CNBD1: variants seen among roughly 807,000 people sequenced by gnomAD.
CNBD1 encodes cyclic nucleotide binding domain containing 1.
A neutral mutation model predicts 54.4 loss-of-function variants in CNBD1; 71 were observed. That is an observed-to-expected ratio of 1.30 (90% CI 1.08 to 1.59). The LOEUF is 1.59. CNBD1 is among the 40% of genes most tolerant of loss of function. The probability of loss-of-function intolerance (pLI) is 0.00; values close to 1 mark genes in which losing one functional copy is unlikely to be tolerated. For synonymous variants in CNBD1, 182 were observed against 170.7 expected (o/e 1.07, Z -0.51); for missense variants, 659 against 518.0 (o/e 1.27, Z -2.64).
At chr8:87,096,443 C>G (rs1811322855) in intron 4 of CNBD1, among the ~76,000 whole-genome samples, 1 of 151,510 alleles carries the variant, frequency 6.6e-6, no homozygotes, top group Admixed American at 6.6e-5. Context: ...CACCCTACTC[C>G]AAATACAGTC....
chr8:87,266,240 T>C (rs1808254463), intron 6 of CNBD1, among the ~76,000 whole-genome samples: 1 of 151,484 alleles, frequency 6.6e-6, no homozygotes, highest in Admixed American at 6.6e-5. Flanking sequence ...TTTTAAAAAC[T>C]ATACCAAAGA....
At chr8:87,102,714 C>T (rs966814090) in intron 4 of CNBD1, among the ~76,000 whole-genome samples, 3 of 152,012 alleles carry the variant, frequency 2.0e-5, no homozygotes, top group Admixed American at 6.6e-5. Flanking sequence ...CCCGGGTTCA[C>T]GCCGTTCTCT....
intron 6 of CNBD1, among the ~76,000 whole-genome samples, chr8:87,270,073 C>T (rs1808332045): frequency 6.6e-6 from 1 of 151,884 alleles, no homozygotes; most frequent in South Asian, 2.1e-4. Context: ...ATCAACTAGG[C>T]TTTTATTCCT....
At chr8:87,330,369 A>T (rs1395762778) in intron 8 of CNBD1, among the ~76,000 whole-genome samples, 1 of 149,016 alleles carries the variant, frequency 6.7e-6, no homozygotes, top group Non-Finnish European at 1.5e-5. Context: ...CATTTTTACT[A>T]GTTTTATTTT....
chr8:87,055,080 A>G (rs1294545598), intron 4 of CNBD1, among the ~76,000 whole-genome samples: 2 of 152,182 alleles, frequency 1.3e-5, no homozygotes, highest in South Asian at 2.1e-4. Flanking sequence ...ATAAAACAGT[A>G]TAGGGTCACT....
intron 4 of CNBD1, among the ~76,000 whole-genome samples, chr8:87,049,134 C>T (rs754206218): frequency 6.6e-6 from 1 of 152,082 alleles, no homozygotes; most frequent in Non-Finnish European, 1.5e-5. Flanking sequence ...TCAAATGTGT[C>T]AGATCTCCTG....
intron 8 of CNBD1, among the ~76,000 whole-genome samples, chr8:87,335,288 A>G (rs1809921355): frequency 6.6e-6 from 1 of 152,094 alleles, no homozygotes; most frequent in African/African-American, 2.4e-5. Context: ...TAATCTGTCT[A>G]ATATTGACAG....
At chr8:86,939,940 T>C in intron 4 of CNBD1, 186 bp downstream of exon 4, 1 of 406,228 alleles carries the variant, frequency 2.5e-6, no homozygotes, top group Non-Finnish European at 4.4e-6. Context: ...GAATTCAGTC[T>C]TCAATGGTGT....
chr8:87,174,701 T>C lies in CNBD1; in HGVS notation c.432-31292T>C, dbSNP rs1443977973. On this transcript the variant is annotated intron_variant, in intron 4 of 10. Transcript: ENST00000518476. The stretch of plus-strand genomic sequence containing the variant: ...TGTAGTCTTTGCAATCTGGGCTTCT[T>C]TTTTTAACTTGTCCTTATTTGGAAG... Among the ~76,000 whole-genome samples the C allele has an allele frequency of 3.3e-5, 5 of 152,282 alleles. No individual in the cohort carries two copies. The East Asian group carries it at 7.7e-4, about 24-fold the overall frequency.
At chr8:87,346,116 A>G (rs897561918) in intron 8 of CNBD1, among the ~76,000 whole-genome samples, 16 of 151,956 alleles carry the variant, frequency 1.1e-4, no homozygotes, top group Non-Finnish European at 2.4e-4. Flanking sequence ...ATCTTGGCTT[A>G]CCACAGCCTC....
intron 4 of CNBD1, among the ~76,000 whole-genome samples, chr8:87,088,641 C>T (rs16892245): frequency 0.033 from 5,028 of 152,056 alleles, 138 homozygotes; most frequent in East Asian, 0.13. Flanking sequence ...TAGGAAGAAT[C>T]TAAATTTTGA....
chr8:86,988,541 A>G (rs759748561), intron 4 of CNBD1, among the ~76,000 whole-genome samples: 38 of 152,064 alleles, frequency 2.5e-4, no homozygotes, highest in Non-Finnish European at 5.0e-4. Flanking sequence ...ATCCAATCCA[A>G]TTATACTGTT....
chr8:87,293,396 TAGCC>T (rs1374505672), intron 8 of CNBD1, among the ~76,000 whole-genome samples: 1 of 151,904 alleles, frequency 6.6e-6, no homozygotes, highest in Non-Finnish European at 1.5e-5. Flanking sequence ...GAACAAAAAT[TAGCC>T]AGGCACAGTG....
intron 8 of CNBD1, among the ~76,000 whole-genome samples, chr8:87,339,394 A>T (rs1034161966): frequency 2.6e-5 from 4 of 152,098 alleles, no homozygotes; most frequent in African/African-American, 9.7e-5. Flanking sequence ...TTCCCATGGA[A>T]ATTTCAGCTT....
intron 4 of CNBD1, among the ~76,000 whole-genome samples, chr8:87,122,797 A>T (rs1263459487): frequency 2.0e-5 from 3 of 151,888 alleles, no homozygotes; most frequent in African/African-American, 7.2e-5. Context: ...CTTTCCCAAG[A>T]GCATAATCTG....
At chr8:86,937,711 C>G (rs2130421171) in intron 3 of CNBD1, among the ~76,000 whole-genome samples, 1 of 145,420 alleles carries the variant, frequency 6.9e-6, no homozygotes, top group Non-Finnish European at 1.5e-5. Context: ...AGCAGCAAGG[C>G]TCTGGGCGAG....
chr8:87,214,792 C>A (rs1170338026), intron 5 of CNBD1, among the ~76,000 whole-genome samples: 5 of 152,120 alleles, frequency 3.3e-5, no homozygotes, highest in African/African-American at 7.2e-5. Flanking sequence ...ATGGAAACCC[C>A]TTCTAAAACC....
rs577361891 is a variant in CNBD1 at position 86,987,075 on chromosome 8, G to C, written c.431+47321G>C. Among the ~76,000 whole-genome samples the C allele has an allele frequency of 3.3e-5, 5 of 152,248 alleles. No homozygotes were observed. The South Asian group carries it at 1.0e-3, about 32-fold the overall frequency. ...TGACATAGGTAGTTTGACAGGAATA[G>C]CATTGAATCTGTAAATTATTTTGGG... On this transcript the variant is annotated intron_variant, in intron 4 of 10. Coordinates refer to ENST00000518476, the MANE Select transcript of CNBD1 (RefSeq NM_173538.3).
intron 3 of CNBD1, among the ~76,000 whole-genome samples, chr8:86,928,995 G>A (rs1809412823): frequency 6.6e-6 from 1 of 152,180 alleles, no homozygotes; most frequent in Non-Finnish European, 1.5e-5. Flanking sequence ...TTCTTTTTCA[G>A]TCGGGAAATA....
Sources: allele counts gnomAD v4.1 joint callset (sites outside exome capture counted in the v4.1 genomes callset), GRCh38; gene constraint gnomAD v4.1.1; transcripts MANE v1.5; gene names NCBI Gene and HGNC (gene_info 2026-07-23, HGNC 2026-07-21).